Variants in DMRT1 observed in about 807,000 individuals in gnomAD.
The protein encoded by DMRT1 is doublesex and mab-3 related transcription factor 1.
A neutral mutation model predicts 32.3 loss-of-function variants in DMRT1; 7 were observed. The observed-to-expected ratio is 0.22, with a 90% CI of 0.12 to 0.41. The LOEUF (loss-of-function observed/expected upper bound fraction) is 0.41, where lower values mean the gene tolerates loss of function less well. Among genes scored for constraint, DMRT1 ranks in the 10% least tolerant of loss-of-function variants. The pLI, the probability that DMRT1 is intolerant of heterozygous loss-of-function variation, is 1.00. For synonymous variants in DMRT1, 278 were observed against 206.1 expected (o/e 1.35, Z -2.99); for missense variants, 625 against 500.5 (o/e 1.25, Z -2.37).
At chr9:855,986 G>A (rs990408741) in intron 2 of DMRT1, among the ~76,000 whole-genome samples, 2 of 151,766 alleles carry the variant, frequency 1.3e-5, no homozygotes, top group South Asian at 2.1e-4. Flanking sequence ...GCATGATCTC[G>A]GCTCACTGCA....
At chr9:842,579 C>G in intron 1 of DMRT1, 1 of 209,026 alleles carries the variant, frequency 4.8e-6, no homozygotes, top group Non-Finnish European at 9.6e-6. Context: ...ATGGCCGTTG[C>G]CATGCGGGTC....
At chr9:845,496 C>T (rs79052254) in intron 1 of DMRT1, among the ~76,000 whole-genome samples, 3,919 of 152,248 alleles carry the variant, frequency 0.026, 157 homozygotes, top group African/African-American at 0.089. Flanking sequence ...GTGTGAGCAA[C>T]CCCGCCTGGC....
chr9:895,030 G>A (rs564053112), intron 3 of DMRT1: 2 of 152,194 alleles, frequency 1.3e-5, no homozygotes, highest in South Asian at 2.1e-4. Context: ...GACCAGGCTG[G>A]TCTTGAACTC....
chr9:887,156 G>A lies in DMRT1; in HGVS notation c.539-6756G>A, dbSNP rs73374731. Among the ~76,000 whole-genome samples the A allele has an allele frequency of 7.0e-3, 1,071 of 152,224 alleles. 12 individuals carry two copies. Among genetic ancestry groups the A allele is most frequent in the African/African-American group, 0.025 (1,034 of 41,534 alleles). The stretch of plus-strand genomic sequence containing the variant: ...CAGTGAGCCGAGATCAGGAGATCAC[G>A]CCACTGCACTCCAGCCTGGGAAACA... On this transcript the variant is annotated intron_variant, in intron 2 of 4. Transcript: ENST00000382276.
intron 4 of DMRT1, among the ~76,000 whole-genome samples, chr9:964,225 T>C (rs186406265): frequency 6.6e-6 from 1 of 152,286 alleles, no homozygotes; most frequent in Admixed American, 6.5e-5. Flanking sequence ...TTTTCTTTTT[T>C]GACAGTATAA....
intron 2 of DMRT1, among the ~76,000 whole-genome samples, chr9:856,062 G>T (rs185087289): frequency 2.6e-5 from 4 of 151,988 alleles, no homozygotes; most frequent in East Asian, 1.9e-4. Flanking sequence ...GATTACAGGC[G>T]CCCGCCACCA....
intron 2 of DMRT1, among the ~76,000 whole-genome samples, chr9:884,645 G>T (rs1013353458): frequency 2.0e-5 from 3 of 152,098 alleles, no homozygotes; most frequent in Non-Finnish European, 4.4e-5. Context: ...TGTTCTTATT[G>T]CACAAATTAG....
intron 2 of DMRT1, among the ~76,000 whole-genome samples, chr9:853,525 T>C (rs889891949): frequency 2.6e-5 from 4 of 151,050 alleles, no homozygotes; most frequent in Admixed American, 1.3e-4. Flanking sequence ...CAGGCTGGGG[T>C]GTAGTGGTGT....
intron 2 of DMRT1, among the ~76,000 whole-genome samples, chr9:860,591 T>C (rs1445370032): frequency 1.3e-5 from 2 of 152,198 alleles, no homozygotes; most frequent in Admixed American, 1.3e-4. Flanking sequence ...GGACCTTATA[T>C]CTCTTGGGGG....
chr9:908,657 T>C (rs1167630107), intron 3 of DMRT1, among the ~76,000 whole-genome samples: 1 of 151,694 alleles, frequency 6.6e-6, no homozygotes, highest in African/African-American at 2.4e-5. Context: ...ATACAAACTT[T>C]CCTTTGGTTC....
chr9:939,639 T>C (rs375560076), intron 4 of DMRT1, among the ~76,000 whole-genome samples: 40 of 152,338 alleles, frequency 2.6e-4, no homozygotes, highest in African/African-American at 8.9e-4. Flanking sequence ...TCTGCTTAAC[T>C]CCTATTTTAG....
intron 2 of DMRT1, among the ~76,000 whole-genome samples, chr9:878,878 C>T (rs1589491193): frequency 6.6e-6 from 1 of 152,130 alleles, no homozygotes; most frequent in Admixed American, 6.5e-5. Flanking sequence ...ACATGCAAAA[C>T]GTATATAACT....
chr9:909,975 C>T (rs1039598593), intron 3 of DMRT1, among the ~76,000 whole-genome samples: 3 of 152,166 alleles, frequency 2.0e-5, no homozygotes, highest in South Asian at 2.1e-4. Flanking sequence ...CAGCCTCCCA[C>T]GTGCTGAGAT....
chr9:899,716 A>G (rs1564235118), intron 3 of DMRT1, among the ~76,000 whole-genome samples: 1 of 152,268 alleles, frequency 6.6e-6, no homozygotes, highest in Non-Finnish European at 1.5e-5. Context: ...CTCCACCGCA[A>G]CATTATCTCT....
At chr9:899,570 G>C (rs1430041610) in intron 3 of DMRT1, among the ~76,000 whole-genome samples, 8 of 152,160 alleles carry the variant, frequency 5.3e-5, no homozygotes, top group African/African-American at 1.9e-4. Flanking sequence ...ATAGATTCCT[G>C]TCCTGTTGTG....
chr9:905,890 C>T (rs762695918), intron 3 of DMRT1, among the ~76,000 whole-genome samples: 7 of 152,164 alleles, frequency 4.6e-5, no homozygotes, highest in Non-Finnish European at 8.8e-5. Flanking sequence ...TGCCTGACTG[C>T]AGAGAGGCAC....
At chr9:847,178 G>A (rs369697350) in intron 2 of DMRT1, 35 bp downstream of exon 2, 1 of 1,604,572 alleles carries the variant, frequency 6.2e-7, no homozygotes, top group Non-Finnish European at 8.5e-7. Flanking sequence ...CATGGAGGCT[G>A]GGCATGAGGG....
At chr9:875,821 A>T (rs1167906609) in intron 2 of DMRT1, among the ~76,000 whole-genome samples, 1 of 152,210 alleles carries the variant, frequency 6.6e-6, no homozygotes, top group Non-Finnish European at 1.5e-5. Flanking sequence ...GTGTATGTAC[A>T]CACACATATA....
intron 3 of DMRT1, among the ~76,000 whole-genome samples, chr9:907,635 G>C (rs1024503979): frequency 6.6e-6 from 1 of 152,110 alleles, no homozygotes; most frequent in African/African-American, 2.4e-5. Context: ...ATTTTAGATT[G>C]AGACCCACAG....
Sources: gnomAD v4.1 joint callset for allele counts (sites outside exome capture counted in the v4.1 genomes callset) on GRCh38, gnomAD v4.1.1 for gene constraint, MANE v1.5 for transcripts, NCBI Gene and HGNC (gene_info 2026-07-23, HGNC 2026-07-21) for gene names.